Variants in PPFIA4 observed in about 807,000 individuals in gnomAD.
PPFIA4 encodes liprin-alpha-4.
Under a neutral mutation model 145.7 loss-of-function variants are expected in PPFIA4, and 98 were observed. That is an observed-to-expected ratio of 0.67 (90% CI 0.57 to 0.80). The LOEUF (loss-of-function observed/expected upper bound fraction) is 0.80. Ranked by LOEUF, PPFIA4 falls within the 30% of genes least tolerant of loss-of-function variation. The pLI is 0.00. For missense variants in PPFIA4, 1,457 were observed against 1,632.7 expected (o/e 0.89, Z 1.85); for synonymous variants, 628 against 649.6 (o/e 0.97, Z 0.51).
chr1:203,037,102 A>C, intron 1 of PPFIA4: 1 of 252,376 alleles, frequency 4.0e-6, no homozygotes, highest in South Asian at 3.1e-5. Context: ...AAGCTGGTGC[A>C]CTAACTTTCC....
At chr1:203,066,480 G>T (rs12161235) in intron 25 of PPFIA4, among the ~76,000 whole-genome samples, 15,248 of 152,270 alleles carry the variant, frequency 0.1, 951 homozygotes, top group East Asian at 0.3. Context: ...ACTCAGAGAA[G>T]CTGAATGACA....
At chr1:203,044,643 T>C in intron 5 of PPFIA4, 53 bp from the exon 6 acceptor site, 1 of 1,494,090 alleles carries the variant, frequency 6.7e-7, no homozygotes, top group South Asian at 1.3e-5. Context: ...GTCTGGAATG[T>C]ATGGGAGGTT....
Position 203,046,272 on chromosome 1 carries a change from C to G in PPFIA4, c.1030C>G (p.Gln344Glu). Residue 344 changes from glutamine to glutamate, a missense_variant, in exon 9 of 30, where the codon CAG becomes GAG. By Grantham distance (29) the Gln-to-Glu change is conservative (BLOSUM62 2). Coordinates refer to ENST00000295706, the MANE Select transcript of PPFIA4 (RefSeq NM_001304331.2). ...GTGTGAGGAGAAGGCCCGACACCTG[C>G]AGGAGCTGCTGGAGGTGGCAGAGCA... ...RQCEEKARHL[Q>E]ELLEVAEQKL... The G allele has an allele frequency of 6.3e-7, 1 of 1,596,132 alleles. No homozygotes were observed. Among genetic ancestry groups the G allele is most frequent in the Non-Finnish European group, 8.5e-7 (1 of 1,172,062 alleles).
chr1:203,075,707 TG>T lies in PPFIA4; in HGVS notation c.3528del (p.Thr1177ProfsTer51). 3 of 1,458,084 alleles carry T rather than the reference TG, an allele frequency of 2.1e-6. No individual in the cohort carries two copies. The highest frequency in any genetic ancestry group is 1.4e-5 in the South Asian group (1 of 72,004). The allele number at this position is 1,458,084 out of a possible 1,614,324, so 90.3% of individuals were successfully genotyped here. A position where few individuals can be genotyped will look rare whatever the true frequency, so the allele number is the denominator to read the frequency against. On this transcript the variant is annotated frameshift_variant, in exon 29 of 30. Coordinates refer to ENST00000295706, the MANE Select transcript of PPFIA4 (RefSeq NM_001304331.2). LOFTEE classifies it high-confidence loss of function. This position sits in a 1 kb window ranked among gnomAD's most constrained non-coding sequence, Gnocchi z 4.1. ...TLPAGFRVST[L>X]GTLQPPPAPP... ...CCGGCGGGCTTCCGTGTGTCCACCC[TG>T]GGGACCCTGCAGCCCCCACCGGCCC...
intron 19 of PPFIA4, 136 bp downstream of exon 19, chr1:203,057,086 T>C: frequency 1.3e-6 from 2 of 1,482,436 alleles, no homozygotes; most frequent in South Asian, 2.7e-5. Flanking sequence ...ACCTCAGATC[T>C]GCAGAAGCAG....
chr1:203,052,780 C>T (rs1253259519), intron 14 of PPFIA4, among the ~76,000 whole-genome samples: 1 of 152,166 alleles, frequency 6.6e-6, no homozygotes, highest in African/African-American at 2.4e-5. Context: ...TCCACCCTCC[C>T]CTCTTCTGGG....
At position 203,060,187 on chromosome 1, in the gene PPFIA4, G is replaced by T. The variant is rs530547895; in HGVS notation, c.2584-30G>T. 3 of 1,609,788 alleles carry T rather than the reference G, an allele frequency of 1.9e-6. No homozygotes were observed. Among genetic ancestry groups the T allele is most frequent in the Non-Finnish European group, 2.5e-6 (3 of 1,177,924 alleles). On this transcript the variant is annotated intron_variant, in intron 21 of 29. Transcript: ENST00000295706. This position sits in a 1 kb window ranked among gnomAD's most constrained non-coding sequence, Gnocchi z 4.8. ...CTCTTGGTGGTAGGGCCCAGGCCTT[G>T]AATTACCTCCCTGTGCCCGGTGTCT... is the stretch of plus-strand genomic sequence containing the variant.
chr1:203,038,132 C>T (rs1056140532), intron 1 of PPFIA4, among the ~76,000 whole-genome samples: 2 of 152,332 alleles, frequency 1.3e-5, no homozygotes, highest in Non-Finnish European at 1.5e-5. Flanking sequence ...AAGAGTCCAG[C>T]CTTTAGGACT....
chr1:203,049,534 G>T, intron 12 of PPFIA4, 142 bp from the exon 13 acceptor site: 1 of 681,108 alleles, frequency 1.5e-6, no homozygotes, highest in Non-Finnish European at 2.3e-6. Flanking sequence ...CTGGCCTGGG[G>T]CCCCTGGCTT....
Position 203,075,743 on chromosome 1 carries a change from A to AG in PPFIA4, c.3561dup (p.Ile1188AspfsTer4). The AG allele has an allele frequency of 7.3e-7, 1 of 1,375,562 alleles. No homozygotes were observed. The highest frequency in any genetic ancestry group is 1.7e-5 in the South Asian group (1 of 57,194). 85.2% of individuals were successfully genotyped at this position (1,375,562 alleles called of 1,614,324 possible). On this transcript the variant is annotated frameshift_variant, in exon 29 of 30. Transcript: ENST00000295706. LOFTEE classifies it high-confidence loss of function. This position sits in a 1 kb window ranked among gnomAD's most constrained non-coding sequence, Gnocchi z 4.1. ...CAGCCCCCACCGGCCCCGCCAAAGA[A>AG]GATCATGCCTGAAGGTGAGTAACAG...
At chr1:203,054,088 C>A in intron 15 of PPFIA4, 127 bp downstream of exon 15, 2 of 1,097,922 alleles carry the variant, frequency 1.8e-6, no homozygotes, top group East Asian at 2.6e-5. Flanking sequence ...GTTCAGGGAC[C>A]CTCTGTGGGT....
intron 1 of PPFIA4, among the ~76,000 whole-genome samples, chr1:203,036,025 T>C (rs1341663186): frequency 2.0e-5 from 3 of 152,188 alleles, no homozygotes; most frequent in Non-Finnish European, 2.9e-5. Context: ...CCAGGAGGAT[T>C]TGGGGAGGCC....
At chr1:203,062,837 A>G (rs914150385) in intron 24 of PPFIA4, 1 of 152,266 alleles carries the variant, frequency 6.6e-6, no homozygotes, top group Non-Finnish European at 1.5e-5. Flanking sequence ...TTTTACAACC[A>G]AAGGAATAGT....
chr1:203,060,537 C>T lies in PPFIA4; in HGVS notation c.2784+120C>T. On this transcript the variant is annotated intron_variant, in intron 22 of 29. Coordinates refer to ENST00000295706, the MANE Select transcript of PPFIA4 (RefSeq NM_001304331.2). This position sits in a 1 kb window ranked among gnomAD's most constrained non-coding sequence, Gnocchi z 4.8. ...AGCCCTGCCCCTTCCTTCCCATCCT[C>T]ACAAAGGGCTCTCCCTGGTCTTCAG... is the stretch of plus-strand genomic sequence containing the variant. The T allele has an allele frequency of 9.8e-7, 1 of 1,021,390 alleles. No homozygotes were observed. The highest frequency in any genetic ancestry group is 1.5e-5 in the South Asian group (1 of 68,270). The allele number at this position is 1,021,390 out of a possible 1,614,324, so 63.3% of individuals were successfully genotyped here.
At chr1:203,046,477 G>A (rs1438971343) in intron 9 of PPFIA4, 95 bp downstream of exon 9, 1 of 1,413,604 alleles carries the variant, frequency 7.1e-7, no homozygotes, top group Non-Finnish European at 9.4e-7. Flanking sequence ...GAGGCGCACT[G>A]GGCCAGGAGC....
intron 9 of PPFIA4, among the ~76,000 whole-genome samples, chr1:203,047,464 T>G (rs1201091923): frequency 1.3e-5 from 2 of 152,126 alleles, no homozygotes; most frequent in Non-Finnish European, 2.9e-5. Context: ...CTGAAATGAT[T>G]AATACAGTCA....
chr1:203,058,276 AG>A (rs1189621460), intron 19 of PPFIA4, among the ~76,000 whole-genome samples: 2 of 152,126 alleles, frequency 1.3e-5, no homozygotes, highest in East Asian at 3.9e-4. Flanking sequence ...TTGCTGAGAC[AG>A]GGAGAGGTCT....
At chr1:203,070,031 T>G (rs1026508734) in intron 27 of PPFIA4, among the ~76,000 whole-genome samples, 1 of 152,290 alleles carries the variant, frequency 6.6e-6, no homozygotes. Flanking sequence ...TCTAAAAATG[T>G]TATGTTCCCA....
At chr1:203,061,368 G>A (rs1053754968) in intron 23 of PPFIA4, 17 of 526,844 alleles carry the variant, frequency 3.2e-5, no homozygotes, top group Non-Finnish European at 5.4e-5. Context: ...TTCCTCCCTG[G>A]TGGAGGAATG....
Sources: gnomAD v4.1 joint callset for allele counts (sites outside exome capture counted in the v4.1 genomes callset) on GRCh38, gnomAD v4.1.1 for gene constraint, Gnocchi (gnomAD v3.1) non-coding constraint, MANE v1.5 for transcripts, NCBI Gene and HGNC (gene_info 2026-07-23, HGNC 2026-07-21) for gene names.